ZNF805: variants seen among roughly 807,000 people sequenced by gnomAD.
ZNF805 encodes the protein zinc finger protein 805.
ZNF805 carries 7 observed loss-of-function variants against 13.6 expected under a neutral mutation model. The ratio of observed to expected loss-of-function variants is 0.51; its 90% CI spans 0.29 to 0.97. The LOEUF is 0.97. Ranked by LOEUF, ZNF805 falls within the 50% of genes least tolerant of loss-of-function variation. ZNF805 has a pLI of 0.08. For synonymous variants in ZNF805, 293 were observed against 279.8 expected (o/e 1.05, Z -0.47); for missense variants, 604 against 771.0 (o/e 0.78, Z 2.57).
intron 3 of ZNF805, among the ~76,000 whole-genome samples, chr19:57,250,534 C>A (rs1046889793): frequency 1.3e-5 from 2 of 149,032 alleles, no homozygotes; most frequent in African/African-American, 2.4e-5. Flanking sequence ...GCCCGGCCCC[C>A]TTATGGTCTT....
At chr19:57,244,557 G>T (rs2087600151) in intron 2 of ZNF805, among the ~76,000 whole-genome samples, 1 of 151,404 alleles carries the variant, frequency 6.6e-6, no homozygotes, top group Non-Finnish European at 1.5e-5. Context: ...CTTTGGACAA[G>T]AAATAAGAGT....
rs561782935 is a variant in ZNF805, at chr19:57,254,063, A to G, written c.1244A>G (p.Lys415Arg). 26 of 1,602,694 alleles carry G rather than the reference A, an allele frequency of 1.6e-5. No individual in the cohort carries two copies. Among genetic ancestry groups the G allele is most frequent in the African/African-American group, 4.2e-5 (3 of 71,160 alleles). Residue 415 changes from lysine (K) to arginine (R), a missense_variant, in exon 4 of 4, where the codon AAA becomes AGA. By Grantham distance (26) the Lys-to-Arg change is conservative. Coordinates refer to ENST00000414468, the MANE Select transcript of ZNF805 (RefSeq NM_001023563.4). The stretch of plus-strand genomic sequence containing the variant: ...GCTTTCAACCACCGATCCTACCTCA[A>G]AAGGCACCAGCGGATTCACACTGGG... The part of the protein sequence containing the change: ...GKAFNHRSYL[K>R]RHQRIHTGEK...
Position 57,254,049 on chromosome 19 carries a change from C to T in ZNF805, c.1230C>T (p.His410=). Residue 410 remains histidine (H), a synonymous_variant, in exon 4 of 4, where the codon CAC becomes CAT. Coordinates refer to ENST00000414468, the MANE Select transcript of ZNF805 (RefSeq NM_001023563.4). The part of the protein sequence containing the change: ...ECLECGKAFN[H]RSYLKRHQRI... ...TCGAGTGTGGGAAGGCTTTCAACCA[C>T]CGATCCTACCTCAAAAGGCACCAGC... 1 of 1,611,708 alleles carries T rather than the reference C, an allele frequency of 6.2e-7. No homozygotes were observed. The highest frequency in any genetic ancestry group is 2.2e-5 in the East Asian group (1 of 44,582).
intron 3 of ZNF805, 101 bp downstream of exon 3, chr19:57,248,801 C>T (rs1365809559): frequency 8.9e-7 from 1 of 1,121,966 alleles, no homozygotes; most frequent in Non-Finnish European, 1.3e-6. Flanking sequence ...ACTGTGGCTT[C>T]TCTAAGGGTT....
At chr19:57,240,965 G>T in intron 1 of ZNF805, 44 bp downstream of exon 1, 1 of 1,550,050 alleles carries the variant, frequency 6.5e-7, no homozygotes, top group Non-Finnish European at 8.7e-7. Context: ...CTGCTAGTTC[G>T]GGGAAGCCTC....
chr19:57,254,439 G>A lies in ZNF805; in HGVS notation c.1620G>A (p.Glu540=), dbSNP rs1399569490. The change falls in exon 4 of 4, where the codon GAG becomes GAA. Residue 540 remains glutamate, a synonymous_variant. Coordinates refer to ENST00000414468, the MANE Select transcript of ZNF805 (RefSeq NM_001023563.4). ...TCCACACTGGAGAGAAGCCGTATGAGTGCAGTGAATGTGGAAAGGCCTTCA... is the reference window on the plus strand; with the variant it reads ...TCCACACTGGAGAGAAGCCGTATGAATGCAGTGAATGTGGAAAGGCCTTCA... The part of the protein sequence containing the change: ...SIIHTGEKPY[E]CSECGKAFSR... The A allele has an allele frequency of 1.2e-6, 2 of 1,614,256 alleles. No homozygotes were observed. Among genetic ancestry groups the A allele is most frequent in the Non-Finnish European group, 1.7e-6 (2 of 1,180,052 alleles).
chr19:57,250,792 T>C (rs2087647202), intron 3 of ZNF805, among the ~76,000 whole-genome samples: 1 of 152,246 alleles, frequency 6.6e-6, no homozygotes, highest in Admixed American at 6.5e-5. Flanking sequence ...CACATTCCTC[T>C]CAACCTCTCA....
intron 1 of ZNF805, among the ~76,000 whole-genome samples, chr19:57,241,794 G>A (rs79336204): frequency 0.022 from 3,301 of 152,278 alleles, 114 homozygotes; most frequent in African/African-American, 0.075. Flanking sequence ...ACTATCCTCA[G>A]ATCTCTGCAA....
chr19:57,257,955 G>GCCCA lies in ZNF805; in HGVS notation c.*3254_*3255insCACC, dbSNP rs1345505579. On this transcript the variant is annotated 3_prime_UTR_variant, in exon 4 of 4. Transcript: ENST00000414468. The stretch of plus-strand genomic sequence containing the variant: ...ACTCCTGACCTCAGGTGATCCACCT[G>GCCCA]CCTCAGCCTCCCAAAGTGCTAGGAT... 6.8e-6 allele frequency among the ~76,000 whole-genome samples: 1 copy of GCCCA among 147,488 alleles called. No individual in the cohort carries two copies. The highest frequency in any genetic ancestry group is 2.2e-4 in the South Asian group (1 of 4,650).
chr19:57,243,010 T>C (rs758905108), intron 1 of ZNF805, among the ~76,000 whole-genome samples: 1 of 151,940 alleles, frequency 6.6e-6, no homozygotes, highest in Non-Finnish European at 1.5e-5. Context: ...CACTTGAGGC[T>C]AGGAGTTCGA....
rs1170978631 is a variant in ZNF805, at chr19:57,260,162, A to G, written c.*5459A>G. Among the ~76,000 whole-genome samples, 2 of 152,108 alleles carry G rather than the reference A, an allele frequency of 1.3e-5. No individual in the cohort carries two copies. Among genetic ancestry groups the G allele is most frequent in the Non-Finnish European group, 2.9e-5 (2 of 68,018 alleles). On this transcript the variant is annotated 3_prime_UTR_variant, in exon 4 of 4. Coordinates refer to ENST00000414468, the MANE Select transcript of ZNF805 (RefSeq NM_001023563.4). Reference sequence around the variant, plus strand: ...TCACTCTTACACTTTTTTATTAGACACACACACACCCTTCCCCAACCAAAC... The same window carrying G: ...TCACTCTTACACTTTTTTATTAGACGCACACACACCCTTCCCCAACCAAAC...
chr19:57,243,588 C>T (rs530352115), intron 1 of ZNF805, among the ~76,000 whole-genome samples: 1 of 152,342 alleles, frequency 6.6e-6, no homozygotes, highest in South Asian at 2.1e-4. Context: ...CAGTGAGGCT[C>T]AGGCACTGTG....
chr19:57,246,651 C>T (rs746400053), intron 2 of ZNF805, among the ~76,000 whole-genome samples: 20 of 151,950 alleles, frequency 1.3e-4, no homozygotes, highest in Non-Finnish European at 2.9e-5. Flanking sequence ...TAGCGCATGC[C>T]TGTAATCCCA....
chr19:57,241,863 T>C (rs190499943), intron 1 of ZNF805, among the ~76,000 whole-genome samples: 172 of 152,348 alleles, frequency 1.1e-3, no homozygotes, highest in Middle Eastern at 3.4e-3. Context: ...CGGCCTTTCA[T>C]GGCAGTTCAG....
In ZNF805 at chr19:57,255,937, CATT is replaced by C. The variant is rs2087684829; in HGVS notation, c.*1240_*1242del. ...TATTAGGGGGAAATGTTCAGTTTCT[CATT>C]ATTATGATGTTGAAAGTTGCTTCCA... On this transcript the variant is annotated 3_prime_UTR_variant, in exon 4 of 4. Coordinates refer to ENST00000414468, the MANE Select transcript of ZNF805 (RefSeq NM_001023563.4). Among the ~76,000 whole-genome samples the C allele has an allele frequency of 1.3e-5, 2 of 152,062 alleles. No homozygotes were observed. The highest frequency in any genetic ancestry group is 4.8e-5 in the African/African-American group (2 of 41,424).
Position 57,260,291 on chromosome 19 carries a change from C to T in ZNF805, c.*5588C>T, listed in dbSNP as rs953710640. ...ATAGCTTTAGTCGGATCTCAAGCCT[C>T]GTTTCCAACCTATTTCACCCTTCCT... On this transcript the variant is annotated 3_prime_UTR_variant, in exon 4 of 4. Transcript: ENST00000414468. Among the ~76,000 whole-genome samples, 7 of 152,194 alleles carry T rather than the reference C, an allele frequency of 4.6e-5. No individual in the cohort carries two copies. Among genetic ancestry groups the T allele is most frequent in the Non-Finnish European group, 1.0e-4 (7 of 68,044 alleles).
chr19:57,240,770 G>T lies in ZNF805; in HGVS notation c.-122G>T. The T allele has an allele frequency of 1.1e-6, 1 of 902,910 alleles. No individual in the cohort carries two copies. The allele number at this position is 902,910 out of a possible 1,614,324, so 55.9% of individuals were successfully genotyped here. A position where few individuals can be genotyped will look rare whatever the true frequency, so the allele number is the denominator to read the frequency against. On this transcript the variant is annotated 5_prime_UTR_variant, in exon 1 of 4. Transcript: ENST00000414468. ...AACCGTGAGCCTCCCCGTAACGAGA[G>T]AGTTTGACTGTCAGCCAAGGTCACC...
At position 57,257,802 on chromosome 19, in the gene ZNF805, G is replaced by A. The variant is rs1453725261; in HGVS notation, c.*3099G>A. 6.9e-6 allele frequency among the ~76,000 whole-genome samples: 1 copy of A among 145,070 alleles called. No homozygotes were observed. The highest frequency in any genetic ancestry group is 1.5e-5 in the Non-Finnish European group (1 of 67,110). On this transcript the variant is annotated 3_prime_UTR_variant, in exon 4 of 4. Transcript: ENST00000414468. The stretch of plus-strand genomic sequence containing the variant: ...GCTCACTGCAACCTCCGCCTCCTGG[G>A]TTCAAGTGATTCTCCTGCCTCAGGC...
chr19:57,243,833 G>T, intron 1 of ZNF805, 90 bp from the exon 2 acceptor site: 1 of 1,581,684 alleles, frequency 6.3e-7, no homozygotes, highest in South Asian at 1.1e-5. Context: ...GGCCCTCAGT[G>T]ACTTGGGCCT....
Sources: gnomAD v4.1 joint callset for allele counts (sites outside exome capture counted in the v4.1 genomes callset) on GRCh38, gnomAD v4.1.1 for gene constraint, MANE v1.5 for transcripts, NCBI Gene and HGNC (gene_info 2026-07-23, HGNC 2026-07-21) for gene names.